The following SLC39A8 variants were observed in gnomAD, a reference collection of about 807,000 sequenced individuals.
SLC39A8 encodes the protein metal cation symporter ZIP8.
Under a neutral mutation model 40.4 loss-of-function variants are expected in SLC39A8, and 15 were observed. The observed-to-expected ratio is 0.37, with a 90% CI of 0.25 to 0.57. SLC39A8 has a LOEUF of 0.57. SLC39A8 is among the 20% of genes least tolerant of loss of function. The pLI is 0.75. For synonymous variants in SLC39A8, 223 were observed against 221.6 expected (o/e 1.01, Z -0.06); for missense variants, 472 against 558.8 (o/e 0.84, Z 1.57).
intron 2 of SLC39A8, among the ~76,000 whole-genome samples, chr4:102,331,579 G>A (rs1004340990): frequency 2.6e-5 from 4 of 152,098 alleles, no homozygotes; most frequent in East Asian, 1.9e-4. Flanking sequence ...TCATGAAAAC[G>A]GCCATACTGC....
intron 2 of SLC39A8, among the ~76,000 whole-genome samples, chr4:102,340,891 T>A (rs1271206837): frequency 2.6e-5 from 4 of 152,146 alleles, no homozygotes; most frequent in Admixed American, 1.3e-4. Flanking sequence ...AAGAAGAACA[T>A]TTCAGTCAAA....
At chr4:102,317,030 C>G (rs1186106840) in intron 2 of SLC39A8, among the ~76,000 whole-genome samples, 2 of 152,164 alleles carry the variant, frequency 1.3e-5, no homozygotes, top group Non-Finnish European at 2.9e-5. Context: ...GACTTCAAGT[C>G]TCCAACTATG....
intron 6 of SLC39A8, among the ~76,000 whole-genome samples, chr4:102,299,316 A>G (rs535901089): frequency 6.6e-6 from 1 of 150,706 alleles, no homozygotes; most frequent in Non-Finnish European, 1.5e-5. Context: ...AAAAAAAAAG[A>G]GTGCTTTCCA....
At chr4:102,277,649 T>C (rs1379152155) in intron 6 of SLC39A8, among the ~76,000 whole-genome samples, 1 of 152,154 alleles carries the variant, frequency 6.6e-6, no homozygotes, top group African/African-American at 2.4e-5. Flanking sequence ...AAATTTCTTA[T>C]AGAACCAAAA....
intron 6 of SLC39A8, among the ~76,000 whole-genome samples, chr4:102,276,383 C>T (rs1023604706): frequency 6.6e-6 from 1 of 152,156 alleles, no homozygotes; most frequent in Non-Finnish European, 1.5e-5. Flanking sequence ...ACTAGAAAAT[C>T]TACAAGAAAT....
chr4:102,261,043 A>C (rs1454530275), downstream of SLC39A8, among the ~76,000 whole-genome samples: 2 of 152,248 alleles, frequency 1.3e-5, no homozygotes, highest in African/African-American at 4.8e-5. Flanking sequence ...AAGGAAGCTA[A>C]GGAAAAGCAA....
chr4:102,290,181 A>G (rs1355745808), intron 6 of SLC39A8, among the ~76,000 whole-genome samples: 1 of 152,184 alleles, frequency 6.6e-6, no homozygotes, highest in African/African-American at 2.4e-5. Context: ...ACTTGCTGAA[A>G]GCTTGGATGA....
chr4:102,316,300 T>C (rs1292572194), intron 2 of SLC39A8, among the ~76,000 whole-genome samples: 1 of 152,168 alleles, frequency 6.6e-6, no homozygotes, highest in Non-Finnish European at 1.5e-5. Context: ...AAGAAATTCC[T>C]CTCTTCTCTA....
At chr4:102,314,239 C>A (rs529729870) in intron 3 of SLC39A8, among the ~76,000 whole-genome samples, 42 of 152,122 alleles carry the variant, frequency 2.8e-4, no homozygotes, top group Middle Eastern at 3.4e-3. Context: ...TACTGCTTCT[C>A]CCCACTTCTA....
intron 3 of SLC39A8, 56 bp from the exon 4 acceptor site, chr4:102,307,661 T>C: frequency 6.5e-7 from 1 of 1,541,780 alleles, no homozygotes; most frequent in Non-Finnish European, 8.8e-7. Flanking sequence ...AACCAAATGA[T>C]GTTTTCCTGT....
Position 102,268,158 on chromosome 4 carries a change from G to C in SLC39A8, c.841-79C>G, listed in dbSNP as rs1160535503. The C allele has an allele frequency of 2.7e-6, 4 of 1,463,416 alleles. No individual in the cohort carries two copies. The East Asian group carries it at 9.1e-5, about 33-fold the overall frequency. 90.7% of individuals were successfully genotyped at this position (1,463,416 alleles called of 1,614,324 possible). A position where few individuals can be genotyped will look rare whatever the true frequency, so the allele number is the denominator to read the frequency against. On this transcript the variant is annotated intron_variant, in intron 6 of 8. Coordinates refer to ENST00000356736, the MANE Select transcript of SLC39A8 (RefSeq NM_001135146.2). Reference sequence around the variant, plus strand: ...TACAGACAAGTTGGAGATGGGTTGTGCTTGAGAAAAACAAATTGTTCCAAC... The same window carrying C: ...TACAGACAAGTTGGAGATGGGTTGTCCTTGAGAAAAACAAATTGTTCCAAC...
intron 2 of SLC39A8, among the ~76,000 whole-genome samples, chr4:102,324,928 A>G (rs1267567379): frequency 6.6e-6 from 1 of 152,164 alleles, no homozygotes; most frequent in African/African-American, 2.4e-5. Flanking sequence ...GGTGACTTAC[A>G]TGTTCCACAC....
chr4:102,320,284 GTATATATATGAGAA>G (rs1734873154), intron 2 of SLC39A8, among the ~76,000 whole-genome samples: 2 of 118,852 alleles, frequency 1.7e-5, no homozygotes, highest in East Asian at 2.3e-4. Context: ...TTATATATGA[GTATATATATGAGAA>G]TATATATATG....
chr4:102,266,318 G>T (rs1452973824), intron 8 of SLC39A8, among the ~76,000 whole-genome samples: 4 of 152,076 alleles, frequency 2.6e-5, no homozygotes, highest in Non-Finnish European at 5.9e-5. Flanking sequence ...GATAGCATGA[G>T]ACATTAATTT....
chr4:102,337,983 A>G (rs1735749965), intron 2 of SLC39A8, among the ~76,000 whole-genome samples: 1 of 152,144 alleles, frequency 6.6e-6, no homozygotes. Flanking sequence ...CAAACCAGAT[A>G]AGCCAAATTG....
At chr4:102,281,644 A>G (rs10020659) in intron 6 of SLC39A8, among the ~76,000 whole-genome samples, 8,619 of 152,148 alleles carry the variant, frequency 0.057, 797 homozygotes, top group African/African-American at 0.19. Flanking sequence ...GGGGGTGATA[A>G]GGAATAGGCA....
chr4:102,345,398 G>T lies in SLC39A8; in HGVS notation c.-307C>A, dbSNP rs924750599. ...TGCGTCTTTCTCTCTGCGTGTCAAC[G>T]TAAGACTCGGTCTCTGGATCTCTCT... On this transcript the variant is annotated 5_prime_UTR_variant, in exon 1 of 9. Transcript: ENST00000356736. 6.6e-6 allele frequency: 1 copy of T among 152,502 alleles called. No homozygotes were observed. Among genetic ancestry groups the T allele is most frequent in the East Asian group, 1.9e-4 (1 of 5,340 alleles). 9.4% of individuals were successfully genotyped at this position (152,502 alleles called of 1,614,324 possible). A position where few individuals can be genotyped will look rare whatever the true frequency, so the allele number is the denominator to read the frequency against.
intron 2 of SLC39A8, among the ~76,000 whole-genome samples, chr4:102,321,184 C>CA (rs937744744): frequency 2.3e-4 from 35 of 151,944 alleles, no homozygotes; most frequent in African/African-American, 7.7e-4. Context: ...TATAAATTCA[C>CA]AAAAAACATA....
chr4:102,343,009 T>C (rs1437866163), intron 2 of SLC39A8, among the ~76,000 whole-genome samples: 1 of 152,200 alleles, frequency 6.6e-6, no homozygotes, highest in Non-Finnish European at 1.5e-5. Flanking sequence ...AAGAAAAGAA[T>C]GCAACTAGCC....
Sources: gnomAD v4.1 joint callset for allele counts (sites outside exome capture counted in the v4.1 genomes callset) on GRCh38, gnomAD v4.1.1 for gene constraint, MANE v1.5 for transcripts, NCBI Gene and HGNC (gene_info 2026-07-23, HGNC 2026-07-21) for gene names.